Variants in DPP6 observed in about 807,000 individuals in gnomAD.
DPP6 encodes the protein A-type potassium channel modulatory protein DPP6.
A neutral mutation model predicts 122.6 loss-of-function variants in DPP6; 69 were observed. That is an observed-to-expected ratio of 0.56 (90% CI 0.46 to 0.69). The LOEUF (loss-of-function observed/expected upper bound fraction) is 0.69. Ranked by LOEUF, DPP6 falls within the 30% of genes least tolerant of loss-of-function variation. DPP6 has a pLI of 0.00. For synonymous variants in DPP6, 418 were observed against 433.1 expected, an observed-to-expected ratio of 0.97 and a Z score of 0.43; for missense variants, 928 against 1,116.9, an observed-to-expected ratio of 0.83 and a Z score of 2.41.
chr7:153,875,129 CAT>C, the DPP6 span, among the ~76,000 whole-genome samples: 2 of 152,154 alleles, frequency 1.3e-5, no homozygotes, highest in African/African-American at 4.8e-5. Flanking sequence ...AGAGACAAAA[CAT>C]ATGTTATCTT....
At chr7:154,346,586 C>T (rs1441730802) in intron 1 of DPP6, among the ~76,000 whole-genome samples, 4 of 152,200 alleles carry the variant, frequency 2.6e-5, no homozygotes, top group Non-Finnish European at 5.9e-5. Flanking sequence ...GGATTACAGG[C>T]GTGAGCCACA....
At chr7:154,672,457 C>A (rs1039484924) in intron 7 of DPP6, among the ~76,000 whole-genome samples, 3 of 152,170 alleles carry the variant, frequency 2.0e-5, no homozygotes, top group Non-Finnish European at 4.4e-5. Context: ...TTGATTAATT[C>A]ATTAGTTAAT....
chr7:154,520,093 G>A (rs13246178), intron 3 of DPP6, among the ~76,000 whole-genome samples: 3 of 152,084 alleles, frequency 2.0e-5, no homozygotes, highest in Non-Finnish European at 1.5e-5. Flanking sequence ...TGATTCCAAA[G>A]CCAGAAGTTA....
At chr7:153,828,716 G>A in the DPP6 span, among the ~76,000 whole-genome samples, 68 of 152,274 alleles carry the variant, frequency 4.5e-4, no homozygotes, top group Non-Finnish European at 3.1e-4. Context: ...TAATTGAGAA[G>A]AAGCTAGGAA....
intron 1 of DPP6, among the ~76,000 whole-genome samples, chr7:153,983,477 T>C (rs1175179904): frequency 6.6e-6 from 1 of 152,216 alleles, no homozygotes; most frequent in Non-Finnish European, 1.5e-5. Context: ...TCTTAGCTTA[T>C]TGGGCTCCAT....
At chr7:154,518,293 T>G (rs1024232699) in intron 3 of DPP6, among the ~76,000 whole-genome samples, 1 of 152,232 alleles carries the variant, frequency 6.6e-6, no homozygotes, top group African/African-American at 2.4e-5. Context: ...AATATAATTG[T>G]CAGATTTACA....
At chr7:154,666,943 C>T (rs1350039827) in intron 6 of DPP6, among the ~76,000 whole-genome samples, 3 of 152,144 alleles carry the variant, frequency 2.0e-5, no homozygotes, top group African/African-American at 4.8e-5. Flanking sequence ...GCTTGCTTCC[C>T]GACAAGCAAG....
At chr7:153,950,756 G>A (rs2129021133) in intron 1 of DPP6, among the ~76,000 whole-genome samples, 1 of 152,300 alleles carries the variant, frequency 6.6e-6, no homozygotes, top group Non-Finnish European at 1.5e-5. Context: ...AAGGAGCAGA[G>A]GGCAGAGAAG....
chr7:154,040,084 G>A (rs1275880776), intron 1 of DPP6, among the ~76,000 whole-genome samples: 2 of 128,138 alleles, frequency 1.6e-5, no homozygotes, highest in Non-Finnish European at 3.2e-5. Context: ...GTTTTGTTTT[G>A]CTTTGGCTTT....
chr7:154,411,738 C>T (rs17264611), intron 1 of DPP6, among the ~76,000 whole-genome samples: 23,112 of 151,956 alleles, frequency 0.15, 2,333 homozygotes, highest in Middle Eastern at 0.24. Flanking sequence ...GTTTATAGGC[C>T]GTTATTAATT....
chr7:154,324,864 G>GTTAT lies in DPP6; in HGVS notation c.244-121347_244-121344dup, dbSNP rs1554518330. Among the ~76,000 whole-genome samples the GTTAT allele has an allele frequency of 2.7e-4, 16 of 59,596 alleles. No homozygotes were observed. In the East Asian group the frequency reaches 2.8e-3, roughly 10 times the overall value. The allele number at this position is 59,596 out of a possible 152,430, so 39.1% of individuals were successfully genotyped here. On this transcript the variant is annotated intron_variant, in intron 1 of 25. Coordinates refer to ENST00000377770, the MANE Select transcript of DPP6 (RefSeq NM_130797.4). ...CTTTCTTTCTTTCTTCTTTCCTTTT[G>GTTAT]TTATTTTTTTTTTTTTTTTGAGTCT...
intron 1 of DPP6, among the ~76,000 whole-genome samples, chr7:154,145,749 C>T (rs1272437479): frequency 2.2e-4 from 17 of 77,536 alleles, no homozygotes; most frequent in African/African-American, 7.0e-4. Flanking sequence ...AGTTGCGCCT[C>T]GAACAATATG....
intron 1 of DPP6, among the ~76,000 whole-genome samples, chr7:154,322,358 ACT>A (rs1205979951): frequency 2.6e-5 from 4 of 152,106 alleles, no homozygotes; most frequent in Admixed American, 1.3e-4. Context: ...AGTTTGACTA[ACT>A]CTGCCATCTC....
intron 1 of DPP6, among the ~76,000 whole-genome samples, chr7:153,902,864 T>C (rs1039616881): frequency 4.6e-5 from 7 of 152,152 alleles, no homozygotes; most frequent in African/African-American, 1.7e-4. Flanking sequence ...ATTACAAGTT[T>C]TCTTAGGTAA....
At chr7:154,073,917 A>C (rs1179709977) in intron 1 of DPP6, among the ~76,000 whole-genome samples, 1 of 152,116 alleles carries the variant, frequency 6.6e-6, no homozygotes, top group Non-Finnish European at 1.5e-5. Context: ...ACCTGGGAGG[A>C]GGAGGTTGCA....
At chr7:154,205,562 A>C (rs1799396491) in intron 1 of DPP6, among the ~76,000 whole-genome samples, 1 of 152,080 alleles carries the variant, frequency 6.6e-6, no homozygotes, top group Admixed American at 6.5e-5. Context: ...AAATCTGATG[A>C]TTTCAGGGCT....
In DPP6 at chr7:153,926,013, A is replaced by C. The variant is rs1800881706; in HGVS notation, c.51+38279A>C. Among the ~76,000 whole-genome samples the C allele has an allele frequency of 2.6e-5, 4 of 152,112 alleles. No homozygotes were observed. In the South Asian group the frequency reaches 8.3e-4, roughly 32 times the overall value. ...GCAGTCCCTGTAGTTCCTCAGGGAC[A>C]CTCCTCACACCCGTTAGGGAACAGT... On this transcript the variant is annotated intron_variant, in intron 1 of 25. Coordinates refer to the DPP6 transcript ENST00000404039.
intron 1 of DPP6, among the ~76,000 whole-genome samples, chr7:153,919,707 A>G (rs1198552742): frequency 6.6e-6 from 1 of 152,216 alleles, no homozygotes; most frequent in Non-Finnish European, 1.5e-5. Flanking sequence ...AACAACATGC[A>G]TGTAATATTG....
intron 3 of DPP6, among the ~76,000 whole-genome samples, chr7:154,507,254 TAA>T (rs973751943): frequency 1.4e-4 from 21 of 151,120 alleles, no homozygotes; most frequent in Non-Finnish European, 3.1e-4. Context: ...CATAATCAAA[TAA>T]AGAGTTTTAA....
Sources: gnomAD v4.1 joint callset for allele counts (sites outside exome capture counted in the v4.1 genomes callset) on GRCh38, gnomAD v4.1.1 for gene constraint, MANE v1.5 for transcripts, NCBI Gene and HGNC (gene_info 2026-07-23, HGNC 2026-07-21) for gene names.